The following IMMP2L variants were observed in gnomAD, a reference collection of about 807,000 sequenced individuals.
IMMP2L encodes inner mitochondrial membrane peptidase subunit 2, also known as mitochondrial inner membrane protease subunit 2.
In IMMP2L, 18 loss-of-function variants were observed where a neutral mutation model predicts 19.3. That is an observed-to-expected ratio of 0.93 (90% CI 0.64 to 1.38). The LOEUF (loss-of-function observed/expected upper bound fraction) is 1.38. IMMP2L is among the 40% of genes most tolerant of loss of function. IMMP2L has a pLI of 0.00. For missense variants in IMMP2L, 233 were observed against 218.2 expected (o/e 1.07, Z -0.43); for synonymous variants, 76 against 73.0 (o/e 1.04, Z -0.21).
At chr7:111,084,301 A>T (rs573277267) in intron 3 of IMMP2L, among the ~76,000 whole-genome samples, 8 of 10,184 alleles carry the variant, frequency 7.9e-4, no homozygotes, top group Non-Finnish European at 9.5e-4. Flanking sequence ...AAATAAAATT[A>T]AAAAAAAAAA....
At chr7:110,695,952 C>T (rs1054335686) in intron 5 of IMMP2L, among the ~76,000 whole-genome samples, 4 of 152,234 alleles carry the variant, frequency 2.6e-5, no homozygotes, top group Non-Finnish European at 5.9e-5. Flanking sequence ...ACAGCTGTGA[C>T]TTTCAGAGGA....
chr7:111,180,874 C>T (rs1230960467), intron 3 of IMMP2L, among the ~76,000 whole-genome samples: 1 of 151,838 alleles, frequency 6.6e-6, no homozygotes, highest in South Asian at 2.1e-4. Flanking sequence ...ATGCTGTTTC[C>T]TGGATACAAA....
rs140545039 is a variant in IMMP2L, at chr7:111,517,359, G to A, written c.135+3954C>T. Among the ~76,000 whole-genome samples, 444 of 151,390 alleles carry A rather than the reference G, an allele frequency of 2.9e-3. 4 individuals carry two copies. The highest frequency in any genetic ancestry group is 0.01 in the African/African-American group (416 of 41,274). On this transcript the variant is annotated intron_variant, in intron 2 of 5. Coordinates refer to ENST00000405709, the MANE Select transcript of IMMP2L (RefSeq NM_032549.4). ...GTCTGACCTAGAGATACAGTATTGT[G>A]TAGCAGTGTTTTCAAGTATTTTTGC...
intron 3 of IMMP2L, among the ~76,000 whole-genome samples, chr7:111,197,699 C>T (rs1380796169): frequency 6.6e-6 from 1 of 152,160 alleles, no homozygotes; most frequent in Non-Finnish European, 1.5e-5. Context: ...CTCAGCAGAA[C>T]TACTATACAA....
chr7:111,098,951 C>T (rs1281681834), intron 3 of IMMP2L, among the ~76,000 whole-genome samples: 1 of 151,728 alleles, frequency 6.6e-6, no homozygotes, highest in African/African-American at 2.4e-5. Flanking sequence ...GCATTCTGCT[C>T]ATACTAGAAT....
At chr7:110,665,339 A>G (rs1484779100) in intron 5 of IMMP2L, among the ~76,000 whole-genome samples, 2 of 152,168 alleles carry the variant, frequency 1.3e-5, no homozygotes, top group Non-Finnish European at 2.9e-5. Context: ...TGTTGACATC[A>G]TGCTAAATTT....
chr7:111,146,719 T>C (rs1217330899), intron 3 of IMMP2L, among the ~76,000 whole-genome samples: 1 of 152,094 alleles, frequency 6.6e-6, no homozygotes, highest in African/African-American at 2.4e-5. Context: ...AAAATATTTA[T>C]TAAGTTAATG....
Position 111,528,812 on chromosome 7 carries a change from T to C in IMMP2L, c.-2-7363A>G, listed in dbSNP as rs929433533. On this transcript the variant is annotated intron_variant, in intron 1 of 5. Coordinates refer to ENST00000405709, the MANE Select transcript of IMMP2L (RefSeq NM_032549.4). ...TAATAAGTTATAAAGCAGTATCTTATGTAAAATGTAACCTTTCAATCATCA... is the reference window on the plus strand; with the variant it reads ...TAATAAGTTATAAAGCAGTATCTTACGTAAAATGTAACCTTTCAATCATCA... 6.6e-5 allele frequency among the ~76,000 whole-genome samples: 10 copies of C among 152,176 alleles called. 1 individual carries two copies. The highest frequency in any genetic ancestry group is 1.2e-4 in the African/African-American group (5 of 41,438).
chr7:111,329,337 A>G (rs1039029884), intron 3 of IMMP2L, among the ~76,000 whole-genome samples: 1 of 151,842 alleles, frequency 6.6e-6, no homozygotes, highest in East Asian at 1.9e-4. Flanking sequence ...GAAAACAAGG[A>G]AACTCCAAAC....
chr7:110,798,003 T>G (rs922515515), intron 5 of IMMP2L, among the ~76,000 whole-genome samples: 3 of 151,986 alleles, frequency 2.0e-5, no homozygotes, highest in Non-Finnish European at 4.4e-5. Flanking sequence ...AAACAATGGT[T>G]ATTAACACAA....
chr7:111,216,925 A>C (rs1479616355), intron 3 of IMMP2L, among the ~76,000 whole-genome samples: 1 of 152,100 alleles, frequency 6.6e-6, no homozygotes, highest in Non-Finnish European at 1.5e-5. Flanking sequence ...GGAAAAGAAA[A>C]AGAGACATTT....
chr7:111,536,266 T>C lies in IMMP2L; in HGVS notation c.-2-14817A>G, dbSNP rs181539498. ...GAAAATAATGTTACAAACTACTAAG[T>C]TAAATACAATATGAAATATTGGTGG... is the stretch of plus-strand genomic sequence containing the variant. On this transcript the variant is annotated intron_variant, in intron 1 of 5. Transcript: ENST00000405709. Among the ~76,000 whole-genome samples, 365 of 152,176 alleles carry C rather than the reference T, an allele frequency of 2.4e-3. 2 individuals carry two copies. Among genetic ancestry groups the C allele is most frequent in the African/African-American group, 8.4e-3 (347 of 41,516 alleles).
At chr7:111,454,089 G>T (rs1042843102) in intron 3 of IMMP2L, among the ~76,000 whole-genome samples, 1 of 152,124 alleles carries the variant, frequency 6.6e-6, no homozygotes, top group East Asian at 1.9e-4. Context: ...TTCTAACAGT[G>T]AATTGAAACC....
At chr7:111,497,013 A>G (rs1243086252) in intron 2 of IMMP2L, among the ~76,000 whole-genome samples, 1 of 152,146 alleles carries the variant, frequency 6.6e-6, no homozygotes, top group Non-Finnish European at 1.5e-5. Context: ...TTTTAAAAGC[A>G]AGCCTGTAAA....
chr7:111,288,021 A>G (rs527607096), intron 3 of IMMP2L, among the ~76,000 whole-genome samples: 3 of 152,232 alleles, frequency 2.0e-5, no homozygotes, highest in Admixed American at 6.5e-5. Context: ...AAAATTACCA[A>G]CATTACATTT....
At chr7:110,943,900 C>T (rs1816978376) in intron 4 of IMMP2L, among the ~76,000 whole-genome samples, 1 of 152,000 alleles carries the variant, frequency 6.6e-6, no homozygotes, top group South Asian at 2.1e-4. Context: ...TTCTTTACTA[C>T]TTGCTTTCCT....
chr7:110,795,377 A>C (rs889119310), intron 5 of IMMP2L, among the ~76,000 whole-genome samples: 1 of 152,128 alleles, frequency 6.6e-6, no homozygotes, highest in African/African-American at 2.4e-5. Context: ...TCAGTATCCT[A>C]TCATGGTTTA....
chr7:111,150,777 A>C (rs775245675), intron 3 of IMMP2L, among the ~76,000 whole-genome samples: 1 of 152,206 alleles, frequency 6.6e-6, no homozygotes, highest in South Asian at 2.1e-4. Context: ...TTCTTTTCTC[A>C]GAGAAATAAG....
chr7:111,528,059 G>C (rs1340759422), intron 1 of IMMP2L, among the ~76,000 whole-genome samples: 1 of 152,040 alleles, frequency 6.6e-6, no homozygotes, highest in Non-Finnish European at 1.5e-5. Flanking sequence ...TACTAAAGAA[G>C]CCATTCATAC....
Sources: gnomAD v4.1 joint callset for allele counts (sites outside exome capture counted in the v4.1 genomes callset) on GRCh38, gnomAD v4.1.1 for gene constraint, MANE v1.5 for transcripts, NCBI Gene and HGNC (gene_info 2026-07-23, HGNC 2026-07-21) for gene names.